DGKG: variants seen among roughly 807,000 people sequenced by gnomAD.
The protein encoded by DGKG is diacylglycerol kinase gamma.
Under a neutral mutation model 105.3 loss-of-function variants are expected in DGKG, and 78 were observed. That is an observed-to-expected ratio of 0.74 (90% CI 0.62 to 0.89). The LOEUF is 0.89. Ranked by LOEUF, DGKG falls within the 40% of genes least tolerant of loss-of-function variation. The pLI, the probability that DGKG is intolerant of heterozygous loss-of-function variation, is 0.00. For missense variants in DGKG, 958 were observed against 1,020.1 expected (o/e 0.94, Z 0.83); for synonymous variants, 346 against 367.1 (o/e 0.94, Z 0.66).
Position 186,188,062 on chromosome 3 carries a change from C to T in DGKG, c.2095+140G>A, listed in dbSNP as rs1269899449. On this transcript the variant is annotated intron_variant, in intron 22 of 24. Coordinates refer to ENST00000265022, the MANE Select transcript of DGKG (RefSeq NM_001346.3). ...CTGGATTAAGTTGTAAACTTTGCAA[C>T]ATCGGATGACGAGTCAGCATATCCG... 14 of 993,310 alleles carry T rather than the reference C, an allele frequency of 1.4e-5. No individual in the cohort carries two copies. In the Admixed American group the frequency reaches 3.3e-4, roughly 23 times the overall value. The allele number at this position is 993,310 out of a possible 1,614,324, so 61.5% of individuals were successfully genotyped here.
intron 22 of DGKG, among the ~76,000 whole-genome samples, chr3:186,184,270 A>G (rs1717512140): frequency 6.6e-6 from 1 of 152,156 alleles, no homozygotes; most frequent in Admixed American, 6.5e-5. Flanking sequence ...GATCTATAAA[A>G]CTAGAAGCAT....
intron 8 of DGKG, 63 bp from the exon 9 acceptor site, chr3:186,280,036 C>T: frequency 1.9e-6 from 3 of 1,595,580 alleles, no homozygotes; most frequent in Non-Finnish European, 2.6e-6. Flanking sequence ...CTGCCTTCTG[C>T]CTCTGCTGTC....
chr3:186,275,428 A>T, intron 10 of DGKG, 119 bp downstream of exon 10: 2 of 854,200 alleles, frequency 2.3e-6, no homozygotes, highest in Non-Finnish European at 3.9e-6. Context: ...TTGGGACAAT[A>T]TGGGTGGTCC....
intron 3 of DGKG, among the ~76,000 whole-genome samples, chr3:186,303,829 T>C (rs1724092103): frequency 6.6e-6 from 1 of 152,242 alleles, no homozygotes; most frequent in Non-Finnish European, 1.5e-5. Context: ...ATTCCCATCC[T>C]ACCTTTGCTA....
chr3:186,219,571 C>T (rs1719463862), intron 20 of DGKG, among the ~76,000 whole-genome samples: 1 of 152,158 alleles, frequency 6.6e-6, no homozygotes, highest in Admixed American at 6.5e-5. Context: ...TGTGTTTCAG[C>T]TTCAAGGCGC....
rs992979509 is a variant in DGKG, at chr3:186,165,240, A to G, written c.2096-222T>C. 1.4e-4 allele frequency among the ~76,000 whole-genome samples: 21 copies of G among 152,234 alleles called. 1 individual carries two copies. The highest frequency in any genetic ancestry group is 1.3e-3 in the Admixed American group (20 of 15,286). On this transcript the variant is annotated intron_variant, in intron 22 of 24. Transcript: ENST00000265022. The stretch of plus-strand genomic sequence containing the variant: ...TTTTAGTGAAAAAAGATTTTGATTC[A>G]GACATCATATATATCCAATAAATAG...
At position 186,322,356 on chromosome 3, in the gene DGKG, A is replaced by C. The variant is rs138528417; in HGVS notation, c.-248-1649T>G. On this transcript the variant is annotated intron_variant, in intron 1 of 24. Transcript: ENST00000265022. ...ATCCAGATACAGCACATCTTCACTT[A>C]TAAGTGAGAGCTGAACACTGAGAAC... is the stretch of plus-strand genomic sequence containing the variant. Among the ~76,000 whole-genome samples, 101 of 152,316 alleles carry C rather than the reference A, an allele frequency of 6.6e-4. 1 individual carries two copies. The East Asian group carries it at 0.016, about 24-fold the overall frequency.
At chr3:186,189,839 T>C (rs1717820284) in intron 21 of DGKG, among the ~76,000 whole-genome samples, 1 of 152,226 alleles carries the variant, frequency 6.6e-6, no homozygotes, top group African/African-American at 2.4e-5. Flanking sequence ...TATGTTGATC[T>C]GGATTCTCTC....
chr3:186,180,799 G>A (rs1214374634), intron 22 of DGKG, among the ~76,000 whole-genome samples: 4 of 152,226 alleles, frequency 2.6e-5, no homozygotes, highest in African/African-American at 9.6e-5. Context: ...ATGAATCTGA[G>A]ATGGCTGAAT....
chr3:186,233,958 A>G (rs1375313202), intron 20 of DGKG, among the ~76,000 whole-genome samples: 2 of 152,262 alleles, frequency 1.3e-5, no homozygotes, highest in African/African-American at 2.4e-5. Context: ...TCCAGGTTGT[A>G]TGATAATGGA....
chr3:186,215,374 G>A (rs976239113), intron 20 of DGKG, among the ~76,000 whole-genome samples: 1 of 144,054 alleles, frequency 6.9e-6, no homozygotes, highest in Non-Finnish European at 1.5e-5. Flanking sequence ...ATGCACCACT[G>A]CACTCCAGCC....
At chr3:186,174,694 G>A (rs967976812) in intron 22 of DGKG, among the ~76,000 whole-genome samples, 2 of 110,174 alleles carry the variant, frequency 1.8e-5, no homozygotes, top group Non-Finnish European at 3.7e-5. Flanking sequence ...GTGTGTGTGT[G>A]TGTGTTGCAA....
chr3:186,313,645 T>C, intron 2 of DGKG: 2 of 296,068 alleles, frequency 6.8e-6, no homozygotes, highest in Non-Finnish European at 1.0e-5. Flanking sequence ...CCAGACCTAC[T>C]GATTCACAGT....
intron 21 of DGKG, among the ~76,000 whole-genome samples, chr3:186,209,476 A>C (rs1162173285): frequency 6.6e-6 from 1 of 152,088 alleles, no homozygotes; most frequent in African/African-American, 2.4e-5. Context: ...TGGACTACTT[A>C]GCTCACAGGG....
At chr3:186,174,649 C>T (rs1395208618) in intron 22 of DGKG, among the ~76,000 whole-genome samples, 6 of 126,948 alleles carry the variant, frequency 4.7e-5, no homozygotes, top group African/African-American at 6.5e-5. Context: ...CCTTTCCCTG[C>T]GGCTGTGTGT....
chr3:186,189,721 A>G (rs1379282293), intron 21 of DGKG, among the ~76,000 whole-genome samples: 2 of 152,188 alleles, frequency 1.3e-5, no homozygotes, highest in Non-Finnish European at 2.9e-5. Flanking sequence ...CAGTTCTTAC[A>G]TTATGTTATC....
intron 9 of DGKG, 127 bp downstream of exon 9, chr3:186,279,724 T>C: frequency 9.6e-7 from 1 of 1,037,902 alleles, no homozygotes; most frequent in South Asian, 1.6e-5. Context: ...AGAGAGGACT[T>C]TGGGGCTGGT....
chr3:186,330,265 T>C (rs1307523098), intron 1 of DGKG, among the ~76,000 whole-genome samples: 3 of 152,222 alleles, frequency 2.0e-5, no homozygotes, highest in African/African-American at 7.2e-5. Flanking sequence ...ATAACAGATA[T>C]AGACTTATAA....
chr3:186,193,764 C>T (rs1271669820), intron 21 of DGKG, among the ~76,000 whole-genome samples: 1 of 152,220 alleles, frequency 6.6e-6, no homozygotes, highest in Non-Finnish European at 1.5e-5. Flanking sequence ...CCAACTGTTC[C>T]ATGACGTCAT....
Sources: gnomAD v4.1 joint callset for allele counts (sites outside exome capture counted in the v4.1 genomes callset) on GRCh38, gnomAD v4.1.1 for gene constraint, MANE v1.5 for transcripts, NCBI Gene and HGNC (gene_info 2026-07-23, HGNC 2026-07-21) for gene names.